PRRC2C: variants seen among roughly 807,000 people sequenced by gnomAD.
PRRC2C encodes the protein protein PRRC2C.
Under a neutral mutation model 317.2 loss-of-function variants are expected in PRRC2C, and 72 were observed. That is an observed-to-expected ratio of 0.23 (90% CI 0.19 to 0.28). PRRC2C has a LOEUF of 0.28. Among genes scored for constraint, PRRC2C ranks in the 10% least tolerant of loss-of-function variants. The probability of loss-of-function intolerance (pLI) is 1.00; values close to 1 mark genes in which losing one functional copy is unlikely to be tolerated. For missense variants in PRRC2C, 3,074 were observed against 3,459.7 expected, an observed-to-expected ratio of 0.89 and a Z score of 2.80; for synonymous variants, 1,296 against 1,205.9, an observed-to-expected ratio of 1.07 and a Z score of -1.55.
rs1265462406 is a variant in PRRC2C, at chr1:171,545,628, C to A, written c.4913C>A (p.Pro1638His). 6.2e-7 allele frequency: 1 copy of A among 1,613,012 alleles called. No homozygotes were observed. The highest frequency in any genetic ancestry group is 8.5e-7 in the Non-Finnish European group (1 of 1,179,478). Residue 1638 changes from proline to histidine, a missense_variant, in exon 17 of 35, where the codon CCT becomes CAT. Pro to His is a moderately conservative substitution (Grantham distance 77, BLOSUM62 -2). Around this residue, in one of 11 missense-constraint regions of PRRC2C, gnomAD observed 178 missense variants for 163.0 expected, o/e 1.09. Coordinates refer to ENST00000647382, the MANE Select transcript of PRRC2C (RefSeq NM_001387844.1). ...AAAAGAGAAGACCCCAAACCAGGCC[C>A]TAAAAAACCAAAAGAGAAAGTGGAT... ...GKKREDPKPGPKKPKEKVDAL... is the reference protein window; with the variant it reads ...GKKREDPKPGHKKPKEKVDAL...
chr1:171,561,719 T>C (rs1165605984), intron 20 of PRRC2C, among the ~76,000 whole-genome samples: 1 of 152,216 alleles, frequency 6.6e-6, no homozygotes, highest in Non-Finnish European at 1.5e-5. Context: ...ATTATTGTTT[T>C]CTGGACTTTT....
chr1:171,519,294 A>T (rs1443764223), intron 6 of PRRC2C, among the ~76,000 whole-genome samples: 2 of 152,218 alleles, frequency 1.3e-5, no homozygotes, highest in African/African-American at 2.4e-5. Context: ...CAATGCTGTT[A>T]TACATAAAAA....
At chr1:171,575,258 GTGC>G (rs1685504753) in intron 25 of PRRC2C, 130 bp downstream of exon 25, 1 of 926,788 alleles carries the variant, frequency 1.1e-6, no homozygotes, top group African/African-American at 1.7e-5. Flanking sequence ...GCCTCCCAAA[GTGC>G]TGGGATTACA....
At chr1:171,537,611 C>G in intron 15 of PRRC2C, 138 bp downstream of exon 15, 3 of 792,262 alleles carry the variant, frequency 3.8e-6, no homozygotes, top group Non-Finnish European at 4.0e-6. Context: ...GCATGCTACG[C>G]TTACTCTTTG....
Position 171,536,181 on chromosome 1 carries a change from T to C in PRRC2C, c.2196T>C (p.Ser732=). Residue 732 remains serine (S), a synonymous_variant, in exon 14 of 35, where the codon TCT becomes TCC. Transcript: ENST00000647382. Reference sequence around the variant, plus strand: ...AGCCTCATCCTCAGCATTTGGCTTCTATGGGTTTTGATCCAAGGTGGCTCA... The same window carrying C: ...AGCCTCATCCTCAGCATTTGGCTTCCATGGGTTTTGATCCAAGGTGGCTCA... ...PMQPHPQHLA[S]MGFDPRWLMM... The C allele has an allele frequency of 6.2e-7, 1 of 1,613,072 alleles. No individual in the cohort carries two copies. The highest frequency in any genetic ancestry group is 2.2e-5 in the East Asian group (1 of 44,870).
intron 28 of PRRC2C, 76 bp from the exon 29 acceptor site, chr1:171,583,880 G>T (rs1649265462): frequency 3.2e-6 from 4 of 1,259,484 alleles, no homozygotes; most frequent in Non-Finnish European, 4.5e-6. Flanking sequence ...GGTCATTTGG[G>T]ATTTGCATTC....
intron 1 of PRRC2C, among the ~76,000 whole-genome samples, chr1:171,491,418 A>G (rs1296460677): frequency 6.6e-6 from 1 of 152,192 alleles, no homozygotes; most frequent in Non-Finnish European, 1.5e-5. Flanking sequence ...CGCAGAGGGA[A>G]CTGTGCCTCC....
intron 28 of PRRC2C, among the ~76,000 whole-genome samples, chr1:171,583,372 C>T (rs1334826461): frequency 0.021 from 1 of 48 alleles, no homozygotes; most frequent in African/African-American, 0.1. Context: ...ACACATTAGG[C>T]TAGGCTACGC....
chr1:171,541,412 G>C lies in PRRC2C; in HGVS notation c.3946G>C (p.Asp1316His). 1 of 1,613,860 alleles carries C rather than the reference G, an allele frequency of 6.2e-7. No individual in the cohort carries two copies. Among genetic ancestry groups the C allele is most frequent in the Non-Finnish European group, 8.5e-7 (1 of 1,179,832 alleles). The change falls in exon 16 of 35, where the codon GAT becomes CAT. Residue 1316 changes from aspartate to histidine, a missense_variant. Physicochemically the swap from Asp to His is moderately conservative, Grantham distance 81 (BLOSUM62 -1). Around this residue, in one of 11 missense-constraint regions of PRRC2C, gnomAD observed 1,320 missense variants for 1,395.7 expected, o/e 0.95. Transcript: ENST00000647382. The surrounding 1 kb of genome is among the most constrained non-coding windows in gnomAD (Gnocchi z 4.1). ...CAAGCCTGATAATCATGTTCGAATA[G>C]ATAATAGACTGCTAGAAAAGCCTTA... ...SFKPDNHVRI[D>H]NRLLEKPYVR... is the part of the protein sequence containing the mutation.
intron 15 of PRRC2C, among the ~76,000 whole-genome samples, chr1:171,538,856 A>G (rs1396238780): frequency 6.6e-6 from 1 of 151,850 alleles, no homozygotes; most frequent in Non-Finnish European, 1.5e-5. Flanking sequence ...GACTACAGGC[A>G]TGCAGTACCA....
At position 171,540,201 on chromosome 1, in the gene PRRC2C, A is replaced by G. The variant is rs777715516; in HGVS notation, c.2735A>G (p.Glu912Gly). The G allele has an allele frequency of 2.4e-5, 38 of 1,613,802 alleles. No homozygotes were observed. The highest frequency in any genetic ancestry group is 3.0e-5 in the Non-Finnish European group (35 of 1,179,878). ...DQKTLSAPQE[E>G]RISAVESQPS... ...AAGACCTTATCCGCTCCTCAAGAGG[A>G]GCGGATTTCAGCTGTAGAAAGTCAG... The change falls in exon 16 of 35, where the codon GAG (glutamate) becomes GGG (glycine). Residue 912 changes from glutamate to glycine, a missense_variant. Transcript: ENST00000647382.
At chr1:171,558,366 A>G (rs1038109981) in intron 19 of PRRC2C, among the ~76,000 whole-genome samples, 8 of 71,100 alleles carry the variant, frequency 1.1e-4, no homozygotes, top group Non-Finnish European at 2.1e-4. Context: ...TGAGAAAATA[A>G]TAGGCAATGT....
In PRRC2C at chr1:171,589,521, T is replaced by C. The variant is rs1173666730; in HGVS notation, c.8352T>C (p.His2784=). The part of the protein sequence containing the change: ...TGLMSHARLP[H]VARGPCGSLS... ...TCATGAGCCATGCTCGTTTGCCACA[T>C]GTAGCCAGGGGTCCTTGTGGATCAC... Residue 2784 remains histidine (H), a synonymous_variant, in exon 34 of 35, where the codon CAT becomes CAC. Coordinates refer to ENST00000647382, the MANE Select transcript of PRRC2C (RefSeq NM_001387844.1). 7.8e-7 allele frequency: 1 copy of C among 1,289,814 alleles called. No individual in the cohort carries two copies. The highest frequency in any genetic ancestry group is 1.0e-6 in the Non-Finnish European group (1 of 988,864). 79.9% of individuals were successfully genotyped at this position (1,289,814 alleles called of 1,614,324 possible). A position where few individuals can be genotyped will look rare whatever the true frequency, so the allele number is the denominator to read the frequency against.
At chr1:171,530,618 A>G (rs770408384) in intron 11 of PRRC2C, among the ~76,000 whole-genome samples, 1 of 149,320 alleles carries the variant, frequency 6.7e-6, no homozygotes, top group African/African-American at 2.4e-5. Context: ...AGACTTGAAC[A>G]TTTGTTTCTC....
At chr1:171,547,456 T>C (rs574043661) in intron 17 of PRRC2C, among the ~76,000 whole-genome samples, 44 of 152,288 alleles carry the variant, frequency 2.9e-4, no homozygotes, top group African/African-American at 1.0e-3. Flanking sequence ...TTTCCATCAG[T>C]CTGAAGTAAT....
intron 1 of PRRC2C, among the ~76,000 whole-genome samples, chr1:171,502,818 G>A (rs1403749595): frequency 1.3e-5 from 2 of 152,118 alleles, no homozygotes; most frequent in African/African-American, 4.8e-5. Flanking sequence ...CCACTTCCTG[G>A]GTTCAAGCGA....
At position 171,577,645 on chromosome 1, in the gene PRRC2C, T is replaced by G; in HGVS notation, c.7159+8T>G. The G allele has an allele frequency of 6.2e-7, 1 of 1,607,222 alleles. No individual in the cohort carries two copies. Among genetic ancestry groups the G allele is most frequent in the Non-Finnish European group, 8.5e-7 (1 of 1,173,888 alleles). The stretch of plus-strand genomic sequence containing the variant: ...TGTCTCAGTCTGCAGCAGGTAATGT[T>G]TTTAGGCTTGAATATAAGGAATTTA... On this transcript the variant is annotated splice_region_variant and intron_variant, in intron 26 of 34. Coordinates refer to ENST00000647382, the MANE Select transcript of PRRC2C (RefSeq NM_001387844.1).
chr1:171,545,342 C>T (rs1678874071), intron 16 of PRRC2C, 137 bp from the exon 17 acceptor site: 2 of 684,276 alleles, frequency 2.9e-6, no homozygotes, highest in Non-Finnish European at 2.4e-6. Context: ...GTTACTAATG[C>T]TTGTTTGGTT....
intron 18 of PRRC2C, among the ~76,000 whole-genome samples, chr1:171,554,776 G>A (rs1476145800): frequency 2.0e-5 from 3 of 152,344 alleles, no homozygotes; most frequent in East Asian, 1.9e-4. Context: ...CTTTAAGAAT[G>A]TTGAATATTG....
Sources: gnomAD v4.1 joint callset for allele counts (sites outside exome capture counted in the v4.1 genomes callset) on GRCh38, gnomAD v4.1.1 for gene constraint, gnomAD v4.1.1 regional missense constraint, Gnocchi (gnomAD v3.1) non-coding constraint, MANE v1.5 for transcripts, NCBI Gene and HGNC (gene_info 2026-07-23, HGNC 2026-07-21) for gene names.